Variants in GPHN observed in about 807,000 individuals in gnomAD.
The protein encoded by GPHN is gephyrin.
A neutral mutation model predicts 95.5 loss-of-function variants in GPHN; 17 were observed. That is an observed-to-expected ratio of 0.18 (90% CI 0.12 to 0.27). The LOEUF (loss-of-function observed/expected upper bound fraction) is 0.27. GPHN is among the 10% of genes least tolerant of loss of function. GPHN has a pLI of 1.00. For missense variants in GPHN, 660 were observed against 978.1 expected (o/e 0.67, Z 4.34); for synonymous variants, 320 against 322.5 (o/e 0.99, Z 0.08).
chr14:67,112,433 T>C (rs1405422631), intron 15 of GPHN, among the ~76,000 whole-genome samples: 2 of 152,234 alleles, frequency 1.3e-5, no homozygotes. Context: ...ATTCCATTAA[T>C]ACTAATTTGC....
chr14:66,695,896 C>T (rs2068072759), intron 2 of GPHN, among the ~76,000 whole-genome samples: 1 of 152,090 alleles, frequency 6.6e-6, no homozygotes, highest in African/African-American at 2.4e-5. Flanking sequence ...ATTTTTAGGG[C>T]AGTAAAACTA....
At chr14:66,780,467 A>G (rs1186612043) in intron 3 of GPHN, among the ~76,000 whole-genome samples, 2 of 152,124 alleles carry the variant, frequency 1.3e-5, no homozygotes, top group African/African-American at 4.8e-5. Context: ...TAGTTTAATT[A>G]ATAGCAGGAC....
the GPHN span, among the ~76,000 whole-genome samples, chr14:67,298,992 T>C: frequency 7.9e-5 from 12 of 152,346 alleles, no homozygotes; most frequent in African/African-American, 2.9e-4. Context: ...TCCATGTTGT[T>C]CTTGTATCAG....
chr14:66,908,918 C>T (rs1296115502), intron 5 of GPHN, among the ~76,000 whole-genome samples: 2 of 151,192 alleles, frequency 1.3e-5, no homozygotes, highest in Non-Finnish European at 2.9e-5. Flanking sequence ...GCCTGAGCAT[C>T]TATCACTGCC....
At chr14:67,702,169 A>T in the GPHN span, among the ~76,000 whole-genome samples, 18,992 of 151,726 alleles carry the variant, frequency 0.13, 1,223 homozygotes, top group Admixed American at 0.15. Context: ...AGATCTCATT[A>T]TGTTGCCCAG....
At chr14:67,566,925 G>C in the GPHN span, among the ~76,000 whole-genome samples, 1 of 152,090 alleles carries the variant, frequency 6.6e-6, no homozygotes, top group Non-Finnish European at 1.5e-5. Flanking sequence ...GCTGAACTCT[G>C]GTGATGAAGG....
the GPHN span, chr14:67,587,304 T>C: frequency 3.2e-6 from 5 of 1,562,364 alleles, no homozygotes; most frequent in Non-Finnish European, 4.4e-6. Flanking sequence ...TCCTAGGGTA[T>C]GATACTACTG....
rs558357554 is a variant in GPHN at position 66,562,462 on chromosome 14, C to T, written c.64+53871C>T. Among the ~76,000 whole-genome samples the T allele has an allele frequency of 5.3e-5, 8 of 151,916 alleles. No individual in the cohort carries two copies. In the South Asian group the frequency reaches 6.2e-4, roughly 12 times the overall value. On this transcript the variant is annotated intron_variant, in intron 1 of 22. Transcript: ENST00000478722. ...ATCCAATTTTTATTTGTCAATTGTA[C>T]CTTAACAAAATTTGGGGTGGGGGAA...
intron 18 of GPHN, among the ~76,000 whole-genome samples, chr14:67,156,519 A>G (rs987226189): frequency 1.3e-5 from 2 of 152,182 alleles, no homozygotes; most frequent in Non-Finnish European, 2.9e-5. Context: ...TTACTAACAT[A>G]ATAATATAAG....
chr14:66,802,034 A>G (rs529177157), intron 3 of GPHN, among the ~76,000 whole-genome samples: 2 of 152,090 alleles, frequency 1.3e-5, no homozygotes, highest in Non-Finnish European at 2.9e-5. Context: ...AACAGGGCCT[A>G]TTTTCTTCCC....
Position 66,634,482 on chromosome 14 carries a change from C to T in GPHN, c.65-46625C>T, listed in dbSNP as rs12323898. On this transcript the variant is annotated intron_variant, in intron 1 of 22. Transcript: ENST00000478722. ...GTCATCAGCCAGACTGATCCTCAGGCCTCTAGGTGTCACGTGGGGGCACCA... is the reference window on the plus strand; with the variant it reads ...GTCATCAGCCAGACTGATCCTCAGGTCTCTAGGTGTCACGTGGGGGCACCA... 1.3e-3 allele frequency among the ~76,000 whole-genome samples: 199 copies of T among 152,096 alleles called. 4 individuals are homozygous for T. In the East Asian group the frequency reaches 0.035, roughly 27 times the overall value.
At chr14:66,955,703 C>A (rs10873197) in intron 8 of GPHN, among the ~76,000 whole-genome samples, 8 of 151,940 alleles carry the variant, frequency 5.3e-5, no homozygotes, top group African/African-American at 1.4e-4. Flanking sequence ...ATCCCTCCCC[C>A]CTCCTCCCAC....
the GPHN span, among the ~76,000 whole-genome samples, chr14:67,505,167 C>T: frequency 5.3e-5 from 8 of 152,142 alleles, no homozygotes; most frequent in African/African-American, 1.9e-4. Flanking sequence ...AAAAGAGGTG[C>T]GCAAGGGCCC....
chr14:67,474,422 A>G, the GPHN span, among the ~76,000 whole-genome samples: 4 of 152,134 alleles, frequency 2.6e-5, no homozygotes, highest in East Asian at 1.9e-4. Flanking sequence ...TGCTGCACCA[A>G]TCAGCCCCAT....
chr14:67,223,864 G>T, the GPHN span: 1 of 985,306 alleles, frequency 1.0e-6, no homozygotes, highest in Non-Finnish European at 1.2e-6. Flanking sequence ...TTAACACCCT[G>T]TACCCCAAGA....
the GPHN span, among the ~76,000 whole-genome samples, chr14:67,300,674 G>A: frequency 6.6e-6 from 1 of 151,704 alleles, no homozygotes; most frequent in Non-Finnish European, 1.5e-5. Context: ...ATAAATAGTA[G>A]GTGCCATTCT....
chr14:67,383,669 C>A, the GPHN span: 2 of 465,204 alleles, frequency 4.3e-6, no homozygotes, highest in Non-Finnish European at 7.7e-6. Flanking sequence ...GGCCTCATTT[C>A]ACTAGAGACA....
At chr14:67,377,620 G>T in the GPHN span, among the ~76,000 whole-genome samples, 21 of 152,226 alleles carry the variant, frequency 1.4e-4, no homozygotes, top group South Asian at 4.4e-3. Context: ...TCTCAAACTA[G>T]TCTTGCCACC....
At chr14:67,473,074 C>T in the GPHN span, 3 of 276,072 alleles carry the variant, frequency 1.1e-5, no homozygotes, top group South Asian at 1.1e-4. The surrounding 1 kb of genome is among the most constrained non-coding windows in gnomAD (Gnocchi z 6.5). Flanking sequence ...ACCTGCGGCC[C>T]CATTCTCATT....
Sources: gnomAD v4.1 joint callset for allele counts (sites outside exome capture counted in the v4.1 genomes callset) on GRCh38, gnomAD v4.1.1 for gene constraint, Gnocchi (gnomAD v3.1) non-coding constraint, MANE v1.5 for transcripts, NCBI Gene and HGNC (gene_info 2026-07-23, HGNC 2026-07-21) for gene names.